ABCC8: variants seen among roughly 807,000 people sequenced by gnomAD.
ABCC8 encodes ATP binding cassette subfamily C member 8.
Under a neutral mutation model 188.0 loss-of-function variants are expected in ABCC8, and 137 were observed. The ratio of observed to expected loss-of-function variants is 0.73; its 90% confidence interval spans 0.63 to 0.84. The LOEUF is 0.84. ABCC8 is among the 40% of genes least tolerant of loss of function. The pLI is 0.00. For missense variants in ABCC8, 1,750 were observed against 2,072.7 expected (o/e 0.84, Z 3.02); for synonymous variants, 797 against 846.5 (o/e 0.94, Z 1.01).
At chr11:17,471,670 G>A (rs749673645) in intron 2 of ABCC8, among the ~76,000 whole-genome samples, 12 of 152,218 alleles carry the variant, frequency 7.9e-5, no homozygotes, top group Non-Finnish European at 1.8e-4. Context: ...CATGTCGGCA[G>A]CATGCCCTCT....
chr11:17,445,853 G>A (rs1956504392), intron 8 of ABCC8, among the ~76,000 whole-genome samples: 1 of 152,192 alleles, frequency 6.6e-6, no homozygotes, highest in African/African-American at 2.4e-5. Context: ...CCAGGCATAG[G>A]GCAAGGGCTG....
In ABCC8 at chr11:17,474,927, G is replaced by A. The variant is rs1463898525; in HGVS notation, c.249C>T (p.Phe83=). ...CCTCTGCAATCTCACACACCAGGAC[G>A]AAGAGCAGCATGAAGGTCAGGATCC... ...LRWILTFMLL[F]VLVCEIAEGI... is the part of the protein sequence containing the mutation. The change falls in exon 2 of 39, where the codon TTC becomes TTT. Residue 83 remains phenylalanine, a synonymous_variant. Coordinates refer to ENST00000389817, the MANE Select transcript of ABCC8 (RefSeq NM_000352.6). 3.1e-6 allele frequency: 5 copies of A among 1,614,212 alleles called. No individual in the cohort carries two copies. Among genetic ancestry groups the A allele is most frequent in the Non-Finnish European group, 4.2e-6 (5 of 1,180,038 alleles).
At chr11:17,441,463 T>C (rs1438245615) in intron 10 of ABCC8, among the ~76,000 whole-genome samples, 1 of 152,258 alleles carries the variant, frequency 6.6e-6, no homozygotes, top group Non-Finnish European at 1.5e-5. Context: ...TCTTCAGCTA[T>C]ACTCATTCAT....
intron 7 of ABCC8, among the ~76,000 whole-genome samples, chr11:17,449,915 A>G (rs979605867): frequency 1.3e-5 from 2 of 152,228 alleles, no homozygotes; most frequent in African/African-American, 4.8e-5. Context: ...AATGGCAATG[A>G]CATTTTTAAA....
At position 17,393,657 on chromosome 11, in the gene ABCC8, C is replaced by T. The variant is rs765933350; in HGVS notation, c.4608+40G>A. On this transcript the variant is annotated intron_variant, in intron 38 of 38. Transcript: ENST00000389817. ...GACGGCCACAACAGGCCAGTCCTGT[C>T]CCTGGGTGTCCCTCTGCACCCCATC... is the stretch of plus-strand genomic sequence containing the variant. 1.8e-5 allele frequency: 29 copies of T among 1,613,664 alleles called. No homozygotes were observed. In the Admixed American group the frequency reaches 3.2e-4, roughly 18 times the overall value.
chr11:17,459,261 T>C (rs1957100100), intron 6 of ABCC8, among the ~76,000 whole-genome samples: 2 of 152,222 alleles, frequency 1.3e-5, no homozygotes, highest in Non-Finnish European at 2.9e-5. Flanking sequence ...AAATAACACA[T>C]GGATAACTCC....
At position 17,414,505 on chromosome 11, in the gene ABCC8, C is replaced by G; in HGVS notation, c.2390+7G>C. On this transcript the variant is annotated splice_region_variant and intron_variant, in intron 19 of 38. Transcript: ENST00000389817. Reference sequence around the variant, plus strand: ...CCACATCCTGCCTCCCTCCGACAGGCTTTTACCGTTGTTTGTTGAAGGGAC... The same window carrying G: ...CCACATCCTGCCTCCCTCCGACAGGGTTTTACCGTTGTTTGTTGAAGGGAC... The G allele has an allele frequency of 6.2e-7, 1 of 1,614,200 alleles. No individual in the cohort carries two copies. The highest frequency in any genetic ancestry group is 1.1e-5 in the South Asian group (1 of 91,088).
Position 17,427,879 on chromosome 11 carries a change from G to A in ABCC8, c.2104C>T (p.Arg702Cys), listed in dbSNP as rs199732808. The change falls in exon 15 of 39, where the codon CGT becomes TGT. Residue 702 changes from arginine to cysteine, a missense_variant. Transcript: ENST00000389817. This position sits in a 1 kb window ranked among gnomAD's most constrained non-coding sequence, Gnocchi z 5.0. ...GACTGGGCCATACCTCGGGGGATACGAATGGTGATGTTGGACAGTGTGGGG... is the reference window on the plus strand; with the variant it reads ...GACTGGGCCATACCTCGGGGGATACAAATGGTGATGTTGGACAGTGTGGGG... ...GIPTLSNITI[R>C]IPRGQLTMIV... The A allele has an allele frequency of 5.6e-5, 91 of 1,613,978 alleles. 1 individual carries two copies. The highest frequency in any genetic ancestry group is 2.9e-4 in the South Asian group (26 of 91,040).
chr11:17,418,322 G>C (rs1247957155), intron 16 of ABCC8, among the ~76,000 whole-genome samples: 1 of 152,132 alleles, frequency 6.6e-6, no homozygotes, highest in Non-Finnish European at 1.5e-5. Flanking sequence ...ACGAAATCAA[G>C]GATGGAAATG....
intron 6 of ABCC8, among the ~76,000 whole-genome samples, chr11:17,455,712 C>T (rs561349812): frequency 6.6e-6 from 1 of 152,006 alleles, no homozygotes; most frequent in South Asian, 2.1e-4. Flanking sequence ...CTGAAGTAGG[C>T]AGATCACCTG....
rs1343337353 is a variant in ABCC8 at position 17,394,151 on chromosome 11, A to G, written c.4545+115T>C. 5 of 1,344,176 alleles carry G rather than the reference A, an allele frequency of 3.7e-6. No homozygotes were observed. The African/African-American group carries it at 5.8e-5, about 16-fold the overall frequency. 83.3% of individuals were successfully genotyped at this position (1,344,176 alleles called of 1,614,324 possible). A position where few individuals can be genotyped will look rare whatever the true frequency, so the allele number is the denominator to read the frequency against. On this transcript the variant is annotated intron_variant, in intron 37 of 38. Coordinates refer to ENST00000389817, the MANE Select transcript of ABCC8 (RefSeq NM_000352.6). Reference sequence around the variant, plus strand: ...GCTCTTTTCATTTTCTGCAACACATAGCATTTGATGTTAGAGGCAACTTGA... The same window carrying G: ...GCTCTTTTCATTTTCTGCAACACATGGCATTTGATGTTAGAGGCAACTTGA...
intron 33 of ABCC8, chr11:17,396,692 G>A (rs1339226323): frequency 5.0e-6 from 3 of 596,206 alleles, no homozygotes; most frequent in East Asian, 3.0e-5. Flanking sequence ...CTCCTTGGTG[G>A]ATGAGTGAGA....
intron 10 of ABCC8, among the ~76,000 whole-genome samples, chr11:17,435,255 T>G (rs1227874901): frequency 6.6e-6 from 1 of 152,102 alleles, no homozygotes; most frequent in Non-Finnish European, 1.5e-5. Context: ...AATTGTCCTT[T>G]AAGCCAGCAA....
rs4148642 is a variant in ABCC8, at chr11:17,397,953, G to A, written c.3754-156C>T. The stretch of plus-strand genomic sequence containing the variant: ...GTCACCAGACACACACAAGGGCTGC[G>A]AAGGCTGGAGCCCCAGGAGCCAACA... On this transcript the variant is annotated intron_variant, in intron 30 of 38. Transcript: ENST00000389817. 0.28 allele frequency: 261,684 copies of A among 933,742 alleles called. 37,461 individuals carry two copies. The highest frequency in any genetic ancestry group is 0.38 in the African/African-American group (21,513 of 56,066). The allele number at this position is 933,742 out of a possible 1,614,324, so 57.8% of individuals were successfully genotyped here. A position where few individuals can be genotyped will look rare whatever the true frequency, so the allele number is the denominator to read the frequency against.
intron 3 of ABCC8, among the ~76,000 whole-genome samples, chr11:17,466,617 CTT>C (rs375530526): frequency 1.6e-5 from 2 of 127,956 alleles, no homozygotes; most frequent in African/African-American, 3.0e-5. Context: ...TGTGAATATA[CTT>C]TTTTTTTCTT....
intron 10 of ABCC8, among the ~76,000 whole-genome samples, chr11:17,438,974 C>T (rs546690796): frequency 7.2e-5 from 11 of 152,350 alleles, no homozygotes; most frequent in South Asian, 6.2e-4. Context: ...GCTGGCCACA[C>T]GGTTCTGCTC....
chr11:17,424,001 C>T (rs1398953817), intron 16 of ABCC8, among the ~76,000 whole-genome samples: 1 of 152,190 alleles, frequency 6.6e-6, no homozygotes, highest in Non-Finnish European at 1.5e-5. Flanking sequence ...GAGTTCGGTG[C>T]AGACTGACTG....
At chr11:17,392,877 G>A (rs1017072023), downstream of ABCC8, 12 of 1,315,306 alleles carry the variant, frequency 9.1e-6, no homozygotes, top group African/African-American at 1.6e-4. Flanking sequence ...CAGACTTAGG[G>A]CCTCTAGTAG....
At chr11:17,393,670 T>C in intron 38 of ABCC8, 27 bp downstream of exon 38, 1 of 1,614,102 alleles carries the variant, frequency 6.2e-7, no homozygotes. Flanking sequence ...TGGGTGTCCC[T>C]CTGCACCCCA....
Sources: gnomAD v4.1 joint callset for allele counts (sites outside exome capture counted in the v4.1 genomes callset) on GRCh38, gnomAD v4.1.1 for gene constraint, Gnocchi (gnomAD v3.1) non-coding constraint, MANE v1.5 for transcripts, NCBI Gene and HGNC (gene_info 2026-07-23, HGNC 2026-07-21) for gene names.